Variants in NGEF observed in about 807,000 individuals in gnomAD.
The protein encoded by NGEF is ephexin-1.
A neutral mutation model predicts 80.9 loss-of-function variants in NGEF; 31 were observed. The observed-to-expected ratio is 0.38, with a 90% CI of 0.29 to 0.52. The LOEUF (loss-of-function observed/expected upper bound fraction) is 0.52. Ranked by LOEUF, NGEF falls within the 20% of genes least tolerant of loss-of-function variation. The pLI, the probability that NGEF is intolerant of heterozygous loss-of-function variation, is 0.84. For missense variants in NGEF, 709 were observed against 926.2 expected (o/e 0.77, Z 3.04); for synonymous variants, 371 against 370.2 (o/e 1.00, Z -0.03).
rs189165960 is a variant in NGEF, at chr2:232,940,937, C to T, written c.384-13751G>A. Among the ~76,000 whole-genome samples the T allele has an allele frequency of 2.7e-3, 381 of 143,140 alleles. 1 individual carries two copies. Among genetic ancestry groups the T allele is most frequent in the Non-Finnish European group, 4.4e-3 (286 of 64,766 alleles). The allele number at this position is 143,140 out of a possible 152,430, so 93.9% of individuals were successfully genotyped here. On this transcript the variant is annotated intron_variant, in intron 3 of 14. Coordinates refer to ENST00000264051, the MANE Select transcript of NGEF (RefSeq NM_019850.3). ...CTGGCTGCCTAGACAGAGCCAATTC[C>T]TCAAGACAGGGGAATTGCAATAGAG...
At chr2:232,977,089 C>A (rs1437422400) in intron 1 of NGEF, among the ~76,000 whole-genome samples, 1 of 152,118 alleles carries the variant, frequency 6.6e-6, no homozygotes, top group Non-Finnish European at 1.5e-5. Context: ...TCATTCACAG[C>A]AAGTTTAACC....
At chr2:232,895,039 T>C in intron 5 of NGEF, 123 bp from the exon 6 acceptor site, 7 of 1,114,978 alleles carry the variant, frequency 6.3e-6, no homozygotes, top group Non-Finnish European at 9.0e-6. Flanking sequence ...AATCGCCTGC[T>C]CCTGGGGCCT....
chr2:232,900,718 GCT>G lies in NGEF; in HGVS notation c.829-5804_829-5803del, dbSNP rs72046056. ...CACGTTCACTCACATTCACACACAC[GCT>G]CTCAGTCACTCATATACACGTTCAC... On this transcript the variant is annotated intron_variant, in intron 5 of 14. Transcript: ENST00000264051. 6.2e-3 allele frequency among the ~76,000 whole-genome samples: 672 copies of G among 109,078 alleles called. 37 individuals carry two copies. Among genetic ancestry groups the G allele is most frequent in the African/African-American group, 0.026 (631 of 24,488 alleles). The allele number at this position is 109,078 out of a possible 152,430, so 71.6% of individuals were successfully genotyped here. A position where few individuals can be genotyped will look rare whatever the true frequency, so the allele number is the denominator to read the frequency against.
chr2:232,943,723 C>G (rs1169250289), intron 3 of NGEF, among the ~76,000 whole-genome samples: 1 of 150,372 alleles, frequency 6.7e-6, no homozygotes, highest in East Asian at 2.0e-4. Context: ...TCTCAATCTC[C>G]TGACCTCGTG....
At chr2:232,989,378 G>A (rs1246220361) in intron 1 of NGEF, among the ~76,000 whole-genome samples, 1 of 152,168 alleles carries the variant, frequency 6.6e-6, no homozygotes, top group African/African-American at 2.4e-5. Flanking sequence ...AACCCGGGAG[G>A]CAGAGTTGCA....
rs368644391 is a variant in NGEF at position 232,906,396 on chromosome 2, G to T, written c.829-11480C>A. Among the ~76,000 whole-genome samples the T allele has an allele frequency of 4.2e-4, 46 of 109,780 alleles. 3 individuals are homozygous for T. In the East Asian group the frequency reaches 7.9e-3, roughly 19 times the overall value. The allele number at this position is 109,780 out of a possible 152,430, so 72.0% of individuals were successfully genotyped here. A position where few individuals can be genotyped will look rare whatever the true frequency, so the allele number is the denominator to read the frequency against. ...AGCCGCCCCGTCCGGGAGGGAGGTG[G>T]GGGGGTCAGCCCCCCGCCCGGTCAG... On this transcript the variant is annotated intron_variant, in intron 5 of 14. Coordinates refer to ENST00000264051, the MANE Select transcript of NGEF (RefSeq NM_019850.3).
At position 232,942,703 on chromosome 2, in the gene NGEF, C is replaced by T. The variant is rs1470590632; in HGVS notation, c.384-15517G>A. Among the ~76,000 whole-genome samples the T allele has an allele frequency of 3.3e-5, 5 of 151,576 alleles. No homozygotes were observed. The South Asian group carries it at 8.3e-4, about 25-fold the overall frequency. On this transcript the variant is annotated intron_variant, in intron 3 of 14. Transcript: ENST00000264051. ...CAGCCTGGCCAACATGGTGAAACCC[C>T]GTCTCTACTGAAAATACAAAAATTA...
intron 5 of NGEF, among the ~76,000 whole-genome samples, chr2:232,907,817 T>C (rs1010275384): frequency 3.3e-5 from 5 of 152,210 alleles, no homozygotes; most frequent in Admixed American, 3.3e-4. Context: ...TTTAAATGTT[T>C]GCATCTTTGG....
chr2:232,882,170 C>T lies in NGEF; in HGVS notation c.1837+16G>A. The T allele has an allele frequency of 1.2e-6, 2 of 1,611,888 alleles. No individual in the cohort carries two copies. Among genetic ancestry groups the T allele is most frequent in the Admixed American group, 3.3e-5 (2 of 59,846 alleles). On this transcript the variant is annotated intron_variant, in intron 13 of 14. Transcript: ENST00000264051. ...CCCAAGGACAAATGGCGCCCCCTTA[C>T]CCACCGGTGACTTACCCAGCAGCCG...
intron 1 of NGEF, among the ~76,000 whole-genome samples, chr2:232,997,725 G>A (rs749396959): frequency 2.6e-5 from 4 of 152,040 alleles, no homozygotes; most frequent in Non-Finnish European, 4.4e-5. Context: ...GCTGCTGTTC[G>A]TGCCCTCTGC....
At chr2:232,925,647 C>T (rs557534109) in intron 4 of NGEF, among the ~76,000 whole-genome samples, 22 of 152,300 alleles carry the variant, frequency 1.4e-4, no homozygotes, top group African/African-American at 4.1e-4. Context: ...TCCTCCCCAA[C>T]CTGGATGTCT....
Position 232,936,800 on chromosome 2 carries a change from A to G in NGEF, c.384-9614T>C, listed in dbSNP as rs189019811. ...TATCCTTTCACCGTAATAAACTGTA[A>G]TGGTGAGTATAACAGCTTTCAGTAA... On this transcript the variant is annotated intron_variant, in intron 3 of 14. Transcript: ENST00000264051. Among the ~76,000 whole-genome samples, 15 of 152,296 alleles carry G rather than the reference A, an allele frequency of 9.8e-5. No homozygotes were observed. In the East Asian group the frequency reaches 2.7e-3, roughly 27 times the overall value.
At chr2:232,897,083 AGGGTT>A in intron 5 of NGEF, among the ~76,000 whole-genome samples, 1 of 45,838 alleles carries the variant, frequency 2.2e-5, no homozygotes, top group South Asian at 8.8e-4. Context: ...GTGAGGGGTG[AGGGTT>A]GGGATGGGGT....
chr2:232,946,811 C>T (rs536990023), intron 3 of NGEF, among the ~76,000 whole-genome samples: 1 of 152,230 alleles, frequency 6.6e-6, no homozygotes, highest in Non-Finnish European at 1.5e-5. Context: ...GGAGGGGCTC[C>T]TATGTGACAG....
At chr2:232,978,375 C>T (rs1694340530) in intron 1 of NGEF, among the ~76,000 whole-genome samples, 1 of 151,744 alleles carries the variant, frequency 6.6e-6, no homozygotes, top group Non-Finnish European at 1.5e-5. Flanking sequence ...ATTAGCTGGG[C>T]GTGGTGGTGG....
At chr2:232,913,638 T>C (rs1692734367) in intron 5 of NGEF, among the ~76,000 whole-genome samples, 1 of 152,148 alleles carries the variant, frequency 6.6e-6, no homozygotes, top group South Asian at 2.1e-4. Context: ...AATAATTTTG[T>C]AGCCGGGCGC....
At chr2:232,885,418 G>T (rs1254812262) in intron 9 of NGEF, 49 bp from the exon 10 acceptor site, 1 of 1,519,584 alleles carries the variant, frequency 6.6e-7, no homozygotes, top group Non-Finnish European at 9.1e-7. Context: ...GGCTGTCCCG[G>T]CCCCTTCCTC....
chr2:232,923,237 T>C (rs1692984343), intron 4 of NGEF, among the ~76,000 whole-genome samples: 1 of 152,214 alleles, frequency 6.6e-6, no homozygotes, highest in African/African-American at 2.4e-5. Flanking sequence ...CTCACTGTGA[T>C]ACATATGCTG....
At chr2:232,882,665 G>A (rs1015133695) in intron 12 of NGEF, among the ~76,000 whole-genome samples, 5 of 152,252 alleles carry the variant, frequency 3.3e-5, no homozygotes, top group African/African-American at 1.2e-4. Flanking sequence ...CCAGGTCTGG[G>A]CAGGGGAGGA....
Sources: gnomAD v4.1 joint callset for allele counts (sites outside exome capture counted in the v4.1 genomes callset) on GRCh38, gnomAD v4.1.1 for gene constraint, MANE v1.5 for transcripts, NCBI Gene and HGNC (gene_info 2026-07-23, HGNC 2026-07-21) for gene names.